KDM4C: variants seen among roughly 807,000 people sequenced by gnomAD.
KDM4C encodes lysine-specific demethylase 4C.
Under a neutral mutation model 129.3 loss-of-function variants are expected in KDM4C, and 81 were observed. The observed-to-expected ratio is 0.63, with a 90% CI of 0.52 to 0.75. KDM4C has a LOEUF of 0.75. KDM4C is among the 30% of genes least tolerant of loss of function. KDM4C has a pLI of 0.00. For synonymous variants in KDM4C, 573 were observed against 456.1 expected (o/e 1.26, Z -3.26); for missense variants, 1,457 against 1,304.0 (o/e 1.12, Z -1.81).
chr9:6,976,347 A>T lies in KDM4C; in HGVS notation c.922-4578A>T, dbSNP rs139336247. On this transcript the variant is annotated intron_variant, in intron 8 of 21. Coordinates refer to ENST00000381309, the MANE Select transcript of KDM4C (RefSeq NM_015061.6). ...TACAAGTTAGAAATAACTGTTAATA[A>T]TAGATTCTTAATTCTTACTGTCTTC... Among the ~76,000 whole-genome samples, 499 of 152,318 alleles carry T rather than the reference A, an allele frequency of 3.3e-3. 4 individuals carry two copies. The highest frequency in any genetic ancestry group is 0.011 in the African/African-American group (441 of 41,578).
chr9:6,721,536 G>A (rs543059482), intron 1 of KDM4C, among the ~76,000 whole-genome samples: 8 of 150,746 alleles, frequency 5.3e-5, no homozygotes, highest in Admixed American at 2.6e-4. Flanking sequence ...TACCCGTCTC[G>A]GCCTCCCAAA....
At chr9:6,728,197 C>A (rs1817204323) in intron 1 of KDM4C, among the ~76,000 whole-genome samples, 1 of 151,932 alleles carries the variant, frequency 6.6e-6, no homozygotes, top group Non-Finnish European at 1.5e-5. Context: ...TTGCTTCTTG[C>A]CATTGGTGGG....
intron 15 of KDM4C, among the ~76,000 whole-genome samples, chr9:7,026,103 G>A (rs1825770201): frequency 1.3e-5 from 2 of 151,994 alleles, no homozygotes; most frequent in Non-Finnish European, 2.9e-5. Context: ...CTACCTGTGA[G>A]GCTGAGGCAG....
chr9:7,068,791 G>T (rs1267549689), intron 17 of KDM4C, among the ~76,000 whole-genome samples: 1 of 148,332 alleles, frequency 6.7e-6, no homozygotes, highest in Non-Finnish European at 1.5e-5. Flanking sequence ...CCTTCTCCCA[G>T]GTTCAAGCAA....
intron 8 of KDM4C, among the ~76,000 whole-genome samples, chr9:6,968,570 TA>T (rs1197979130): frequency 3.3e-5 from 5 of 152,322 alleles, no homozygotes; most frequent in South Asian, 2.1e-4. Flanking sequence ...ATAAAGAATG[TA>T]AAAGAAAAAG....
chr9:7,095,348 T>A (rs2133080007), intron 17 of KDM4C, among the ~76,000 whole-genome samples: 1 of 152,344 alleles, frequency 6.6e-6, no homozygotes, highest in African/African-American at 2.4e-5. Flanking sequence ...CAAGAACAAA[T>A]CTTGCTAAGG....
chr9:6,919,259 C>CTTTCT (rs1554643809), intron 8 of KDM4C, among the ~76,000 whole-genome samples: 61 of 135,806 alleles, frequency 4.5e-4, no homozygotes, highest in African/African-American at 1.1e-3. Context: ...TTCTTTCTTT[C>CTTTCT]TTTCTTTCTT....
intron 19 of KDM4C, among the ~76,000 whole-genome samples, chr9:7,139,981 T>C (rs1376755532): frequency 6.6e-6 from 1 of 152,120 alleles, no homozygotes; most frequent in Admixed American, 6.5e-5. Context: ...GCCAAGCAGG[T>C]GACTTGAGAG....
chr9:6,819,641 T>G lies in KDM4C; in HGVS notation c.435+4896T>G, dbSNP rs1460940323. Among the ~76,000 whole-genome samples, 4 of 152,200 alleles carry G rather than the reference T, an allele frequency of 2.6e-5. No homozygotes were observed. The East Asian group carries it at 7.7e-4, about 29-fold the overall frequency. ...CAAAACCAATCACACTCAAGACACC[T>G]AAATTCAACAAATGAGAAATAACTT... is the stretch of plus-strand genomic sequence containing the variant. On this transcript the variant is annotated intron_variant, in intron 4 of 21. Transcript: ENST00000381309.
At chr9:7,134,253 T>A (rs1173644622) in intron 19 of KDM4C, among the ~76,000 whole-genome samples, 1 of 152,242 alleles carries the variant, frequency 6.6e-6, no homozygotes, top group Admixed American at 6.5e-5. Flanking sequence ...ATGAAAGGCT[T>A]CACCAAATTC....
At chr9:7,124,292 A>G (rs950421371) in intron 18 of KDM4C, among the ~76,000 whole-genome samples, 1 of 152,218 alleles carries the variant, frequency 6.6e-6, no homozygotes, top group Admixed American at 6.5e-5. Context: ...AATAAAATAC[A>G]ATGCTTGTAA....
chr9:7,052,909 G>GCGAGA (rs767668455), intron 17 of KDM4C, among the ~76,000 whole-genome samples: 1 of 100,150 alleles, frequency 1.0e-5, no homozygotes, highest in Admixed American at 9.4e-5. Flanking sequence ...GAGCGAGCGA[G>GCGAGA]TGCCCAAGGG....
rs1588083774 is a variant in KDM4C at position 6,758,555 on chromosome 9, G to T, written c.-18+352G>T. Among the ~76,000 whole-genome samples the T allele has an allele frequency of 6.6e-6, 1 of 152,184 alleles. No individual in the cohort carries two copies. Among genetic ancestry groups the T allele is most frequent in the African/African-American group, 2.4e-5 (1 of 41,462 alleles). On this transcript the variant is annotated intron_variant, in intron 1 of 21. Coordinates refer to ENST00000381309, the MANE Select transcript of KDM4C (RefSeq NM_015061.6). The surrounding 1 kb of genome is among the most constrained non-coding windows in gnomAD (Gnocchi z 4.6). The stretch of plus-strand genomic sequence containing the variant: ...GCGGACCTCTTAACGCCGCCAGTCG[G>T]CTGTGGCGGACTCCAGGAAGGCCGG...
At chr9:7,137,740 T>C (rs574417876) in intron 19 of KDM4C, among the ~76,000 whole-genome samples, 1 of 152,320 alleles carries the variant, frequency 6.6e-6, no homozygotes, top group African/African-American at 2.4e-5. Context: ...GCTGCCTGTT[T>C]ACAAGCCATT....
chr9:7,085,984 C>T (rs932362908), intron 17 of KDM4C, among the ~76,000 whole-genome samples: 5 of 152,100 alleles, frequency 3.3e-5, no homozygotes, highest in East Asian at 1.9e-4. Flanking sequence ...GGCAAAATCC[C>T]GTGTCTACTA....
chr9:7,107,961 G>C (rs1409770251), intron 18 of KDM4C, among the ~76,000 whole-genome samples: 1 of 152,156 alleles, frequency 6.6e-6, no homozygotes, highest in East Asian at 1.9e-4. Flanking sequence ...CTAGGGAGTG[G>C]GATTAGTGGA....
At position 6,912,556 on chromosome 9, in the gene KDM4C, G is replaced by C. The variant is rs529658187; in HGVS notation, c.921+19324G>C. Among the ~76,000 whole-genome samples the C allele has an allele frequency of 2.0e-5, 3 of 152,338 alleles. No homozygotes were observed. In the East Asian group the frequency reaches 5.8e-4, roughly 29 times the overall value. On this transcript the variant is annotated intron_variant, in intron 8 of 21. Coordinates refer to ENST00000381309, the MANE Select transcript of KDM4C (RefSeq NM_015061.6). ...ATCATTAATGTATGTGAATGGAGTA[G>C]ATTGAAAGTAAAGAAAACCCATGTA...
At chr9:7,049,389 A>G (rs1440343864) in intron 17 of KDM4C, among the ~76,000 whole-genome samples, 189 bp downstream of exon 17, 1 of 151,990 alleles carries the variant, frequency 6.6e-6, no homozygotes, top group Non-Finnish European at 1.5e-5. Context: ...GTAAGTTTGC[A>G]TATAACCTTC....
At chr9:6,885,786 T>C (rs1371697114) in intron 6 of KDM4C, among the ~76,000 whole-genome samples, 1 of 152,164 alleles carries the variant, frequency 6.6e-6, no homozygotes, top group East Asian at 1.9e-4. Context: ...TTATGAAGTG[T>C]TTTTCAGGAC....
Sources: gnomAD v4.1 joint callset for allele counts (sites outside exome capture counted in the v4.1 genomes callset) on GRCh38, gnomAD v4.1.1 for gene constraint, Gnocchi (gnomAD v3.1) non-coding constraint, MANE v1.5 for transcripts, NCBI Gene and HGNC (gene_info 2026-07-23, HGNC 2026-07-21) for gene names.